Variants in PAN3 observed in about 807,000 individuals in gnomAD.
PAN3 encodes poly(A) specific ribonuclease subunit PAN3, also known as PAN2-PAN3 deadenylation complex subunit PAN3.
Under a neutral mutation model 96.2 loss-of-function variants are expected in PAN3, and 19 were observed. That is an observed-to-expected ratio of 0.20 (90% confidence interval 0.14 to 0.29). PAN3 has a LOEUF of 0.29. PAN3 is among the 10% of genes least tolerant of loss of function. The probability of loss-of-function intolerance (pLI) is 1.00; values close to 1 mark genes in which losing one functional copy is unlikely to be tolerated. For missense variants in PAN3, 882 were observed against 1,108.1 expected, an observed-to-expected ratio of 0.80 and a Z score of 2.90; for synonymous variants, 433 against 406.6, an observed-to-expected ratio of 1.06 and a Z score of -0.78.
At chr13:28,260,346 A>AT in intron 7 of PAN3, 101 bp from the exon 8 acceptor site, 1 of 833,720 alleles carries the variant, frequency 1.2e-6, no homozygotes, top group Non-Finnish European at 2.0e-6. Context: ...GTGAGCCGAG[A>AT]TTGCGCCACT....
At chr13:28,158,367 C>T (rs1475083896) in intron 1 of PAN3, among the ~76,000 whole-genome samples, 1 of 152,138 alleles carries the variant, frequency 6.6e-6, no homozygotes, top group Non-Finnish European at 1.5e-5. Context: ...TAAAGAGCTT[C>T]TGCACAGCAA....
intron 8 of PAN3, among the ~76,000 whole-genome samples, chr13:28,261,177 G>A (rs1381473211): frequency 6.6e-6 from 1 of 152,172 alleles, no homozygotes; most frequent in African/African-American, 2.4e-5. Flanking sequence ...TGTTTAAGGG[G>A]CACATCTACT....
At chr13:28,260,640 T>C (rs895675434) in intron 8 of PAN3, 89 bp downstream of exon 8, 29 of 1,084,764 alleles carry the variant, frequency 2.7e-5, no homozygotes, top group Non-Finnish European at 3.4e-5. Context: ...TCAAATCATA[T>C]TATTTAATCA....
At chr13:28,288,199 G>C in intron 18 of PAN3, 77 bp downstream of exon 18, 5 of 1,294,984 alleles carry the variant, frequency 3.9e-6, no homozygotes, top group Non-Finnish European at 5.3e-6. Flanking sequence ...ACAAATACTA[G>C]GAAACTTAAG....
chr13:28,146,555 G>GGT (rs1870680666), intron 1 of PAN3, among the ~76,000 whole-genome samples: 1 of 152,098 alleles, frequency 6.6e-6, no homozygotes, highest in Admixed American at 6.6e-5. Context: ...AAACCTAGAT[G>GGT]GTATAGCCTA....
intron 6 of PAN3, among the ~76,000 whole-genome samples, chr13:28,232,350 A>G (rs928850403): frequency 6.6e-6 from 1 of 152,226 alleles, no homozygotes; most frequent in Non-Finnish European, 1.5e-5. Flanking sequence ...GGATACTTCA[A>G]GAGTAGAAAA....
chr13:28,199,325 T>C lies in PAN3; in HGVS notation c.852+1979T>C, dbSNP rs1286875. 2.4e-3 allele frequency among the ~76,000 whole-genome samples: 357 copies of C among 149,730 alleles called. 1 individual carries two copies. Among genetic ancestry groups the C allele is most frequent in the African/African-American group, 8.3e-3 (342 of 41,046 alleles). ...ATCCTGGTGGCAGTTCTGAGGTACTTTTTTTTTTAGAATAGCTTGAAAAAT... is the reference window on the plus strand; with the variant it reads ...ATCCTGGTGGCAGTTCTGAGGTACTCTTTTTTTTAGAATAGCTTGAAAAAT... On this transcript the variant is annotated intron_variant, in intron 5 of 18. Coordinates refer to ENST00000380958, the MANE Select transcript of PAN3 (RefSeq NM_175854.8).
intron 1 of PAN3, among the ~76,000 whole-genome samples, chr13:28,158,401 A>G (rs1593378482): frequency 6.6e-6 from 1 of 152,252 alleles, no homozygotes. Context: ...TAGAGTAAGC[A>G]GACAACCCAC....
At chr13:28,146,883 G>C (rs916077313) in intron 1 of PAN3, among the ~76,000 whole-genome samples, 2 of 152,146 alleles carry the variant, frequency 1.3e-5, no homozygotes, top group East Asian at 1.9e-4. Flanking sequence ...GCTGAGGCAG[G>C]AGAATTGCTT....
chr13:28,175,645 A>G (rs564162171), intron 2 of PAN3, among the ~76,000 whole-genome samples: 12 of 151,908 alleles, frequency 7.9e-5, no homozygotes, highest in Non-Finnish European at 1.0e-4. Context: ...TCGTGTAGAT[A>G]TGCACTCTAA....
At chr13:28,235,359 G>A (rs1466695478) in intron 6 of PAN3, among the ~76,000 whole-genome samples, 3 of 152,110 alleles carry the variant, frequency 2.0e-5, no homozygotes, top group Admixed American at 6.5e-5. Context: ...TTTCTTTTCT[G>A]ATTAAATGGA....
chr13:28,243,238 G>A (rs908556823), intron 6 of PAN3, among the ~76,000 whole-genome samples: 2 of 152,160 alleles, frequency 1.3e-5, no homozygotes, highest in Admixed American at 6.5e-5. Context: ...TATTTAGGAT[G>A]ATCTTCACTC....
chr13:28,159,289 A>C (rs1474220795), intron 1 of PAN3, among the ~76,000 whole-genome samples: 1 of 152,184 alleles, frequency 6.6e-6, no homozygotes, highest in Non-Finnish European at 1.5e-5. Flanking sequence ...GAACAGGATA[A>C]TGTCCTTTGC....
chr13:28,166,455 CTTTA>C (rs1873551814), intron 1 of PAN3, among the ~76,000 whole-genome samples: 2 of 152,188 alleles, frequency 1.3e-5, no homozygotes, highest in African/African-American at 4.8e-5. Context: ...GCCCTTATGG[CTTTA>C]TCTGGGGCAA....
At chr13:28,173,675 G>A (rs180790820) in intron 1 of PAN3, among the ~76,000 whole-genome samples, 11 of 152,146 alleles carry the variant, frequency 7.2e-5, no homozygotes, top group Non-Finnish European at 1.5e-4. Flanking sequence ...ATAGCTGTAT[G>A]CTAAGCACTT....
intron 1 of PAN3, among the ~76,000 whole-genome samples, chr13:28,139,507 G>GGTATGTTT (rs1869344898): frequency 9.0e-6 from 1 of 111,688 alleles, no homozygotes; most frequent in African/African-American, 4.9e-5. Flanking sequence ...AGTGGGGAGG[G>GGTATGTTT]GTGTGTTTGT....
intron 1 of PAN3, among the ~76,000 whole-genome samples, chr13:28,170,936 A>T (rs901445814): frequency 6.6e-6 from 1 of 152,036 alleles, no homozygotes; most frequent in Non-Finnish European, 1.5e-5. Context: ...AGCTGGGACT[A>T]CAGGCATGCG....
intron 2 of PAN3, among the ~76,000 whole-genome samples, chr13:28,175,657 G>T (rs537111331): frequency 2.3e-4 from 35 of 151,850 alleles, no homozygotes; most frequent in Admixed American, 5.2e-4. Context: ...GCACTCTAAG[G>T]GTTGTTTATA....
At chr13:28,176,205 G>A (rs1320643773) in intron 2 of PAN3, among the ~76,000 whole-genome samples, 1 of 152,192 alleles carries the variant, frequency 6.6e-6, no homozygotes, top group Non-Finnish European at 1.5e-5. Context: ...TACAGACAAG[G>A]AAACTTAGTT....
Sources: gnomAD v4.1 joint callset for allele counts (sites outside exome capture counted in the v4.1 genomes callset) on GRCh38, gnomAD v4.1.1 for gene constraint, MANE v1.5 for transcripts, NCBI Gene and HGNC (gene_info 2026-07-23, HGNC 2026-07-21) for gene names.